The following PRKD1 variants were observed in gnomAD, a reference collection of about 807,000 sequenced individuals.
PRKD1 encodes serine/threonine-protein kinase D1.
A neutral mutation model predicts 95.9 loss-of-function variants in PRKD1; 63 were observed. That is an observed-to-expected ratio of 0.66 (90% confidence interval 0.54 to 0.81). The LOEUF is 0.81. PRKD1 is among the 30% of genes least tolerant of loss of function. PRKD1 has a pLI of 0.00. For synonymous variants in PRKD1, 425 were observed against 423.1 expected (o/e 1.00, Z -0.05); for missense variants, 1,048 against 1,165.3 (o/e 0.90, Z 1.47).
intron 1 of PRKD1, among the ~76,000 whole-genome samples, chr14:29,896,081 C>A (rs1020514928): frequency 6.6e-6 from 1 of 151,944 alleles, no homozygotes; most frequent in Non-Finnish European, 1.5e-5. Context: ...ACAATAGGAG[C>A]GCAATATATA....
At chr14:29,926,151 T>A (rs1470134673) in intron 1 of PRKD1, among the ~76,000 whole-genome samples, 1 of 152,234 alleles carries the variant, frequency 6.6e-6, no homozygotes, top group Non-Finnish European at 1.5e-5. Flanking sequence ...CTGTGCTCAG[T>A]GCTGCAATTC....
chr14:29,746,529 T>TAC (rs139747043), intron 1 of PRKD1, among the ~76,000 whole-genome samples: 3,859 of 146,456 alleles, frequency 0.026, 172 homozygotes, highest in African/African-American at 0.095. Flanking sequence ...TGTGTACATA[T>TAC]ATACACACAC....
chr14:29,727,681 G>A lies in PRKD1; in HGVS notation c.265-2007C>T, dbSNP rs1188307290. 4.0e-5 allele frequency among the ~76,000 whole-genome samples: 6 copies of A among 151,716 alleles called. No individual in the cohort carries two copies. The South Asian group carries it at 1.0e-3, about 26-fold the overall frequency. On this transcript the variant is annotated intron_variant, in intron 1 of 17. Transcript: ENST00000331968. ...TTTCCCCATTGCTTGTTTTTCTCAG[G>A]TTTGTCAAAGATCAGATAGTTGTAG...
chr14:29,840,633 G>A (rs1348514489), intron 1 of PRKD1, among the ~76,000 whole-genome samples: 1 of 152,190 alleles, frequency 6.6e-6, no homozygotes, highest in East Asian at 1.9e-4. Flanking sequence ...AAAGAAAGAT[G>A]TTTAATGGAC....
chr14:29,820,920 G>T (rs952913453), intron 1 of PRKD1, among the ~76,000 whole-genome samples: 1 of 152,216 alleles, frequency 6.6e-6, no homozygotes, highest in Non-Finnish European at 1.5e-5. Flanking sequence ...CAAACCCACT[G>T]ATTGTGTAGG....
chr14:29,727,912 A>G (rs1193004363), intron 1 of PRKD1, among the ~76,000 whole-genome samples: 2 of 151,714 alleles, frequency 1.3e-5, no homozygotes, highest in African/African-American at 4.9e-5. Context: ...TCGCAAGAAC[A>G]AAAAACCAAA....
intron 2 of PRKD1, among the ~76,000 whole-genome samples, chr14:29,691,689 C>G (rs1341217535): frequency 6.6e-6 from 1 of 152,062 alleles, no homozygotes. Context: ...TTGCAACAAC[C>G]TAATACAATA....
chr14:29,638,435 C>G (rs982872616), intron 6 of PRKD1, 54 bp downstream of exon 6: 2 of 1,590,668 alleles, frequency 1.3e-6, no homozygotes, highest in Non-Finnish European at 1.7e-6. Context: ...AATTACATCA[C>G]CACACTCTCT....
chr14:29,918,189 T>C (rs1276548088), intron 1 of PRKD1, among the ~76,000 whole-genome samples: 1 of 152,254 alleles, frequency 6.6e-6, no homozygotes, highest in African/African-American at 2.4e-5. Flanking sequence ...GCACAATGTA[T>C]ACATGTACCA....
intron 9 of PRKD1, among the ~76,000 whole-genome samples, chr14:29,632,445 G>C (rs1033401679): frequency 1.3e-5 from 2 of 152,040 alleles, no homozygotes; most frequent in Non-Finnish European, 2.9e-5. Context: ...CTAGAGGAAA[G>C]TGCTCTTTGT....
At chr14:29,813,755 G>GA (rs1298330695) in intron 1 of PRKD1, among the ~76,000 whole-genome samples, 1 of 152,182 alleles carries the variant, frequency 6.6e-6, no homozygotes, top group Non-Finnish European at 1.5e-5. Context: ...AGTGAACACT[G>GA]ACTCTGAATG....
intron 1 of PRKD1, among the ~76,000 whole-genome samples, chr14:29,797,981 G>A (rs1363430596): frequency 6.6e-6 from 1 of 152,178 alleles, no homozygotes; most frequent in Non-Finnish European, 1.5e-5. Context: ...TGTAATTACA[G>A]AACTCAATGC....
At position 29,578,289 on chromosome 14, in the gene PRKD1, G is replaced by A; in HGVS notation, c.2506C>T (p.His836Tyr). The change falls in exon 17 of 18, where the codon CAC (histidine) becomes TAC (tyrosine). Residue 836 changes from histidine to tyrosine, a missense_variant. Transcript: ENST00000331968. Reference sequence around the variant, plus strand: ...TTATTGTTTACCTGTAGCCAAGGGTGGCTCAAGGTCTTATCCACACTGTAG... The same window carrying A: ...TTATTGTTTACCTGTAGCCAAGGGTAGCTCAAGGTCTTATCCACACTGTAG... ...KRYSVDKTLS[H>Y]PWLQDYQTWL... is the part of the protein sequence containing the mutation. The A allele has an allele frequency of 6.2e-7, 1 of 1,606,408 alleles. No individual in the cohort carries two copies. The highest frequency in any genetic ancestry group is 8.5e-7 in the Non-Finnish European group (1 of 1,176,712).
intron 1 of PRKD1, among the ~76,000 whole-genome samples, chr14:29,819,466 G>A (rs996820703): frequency 3.3e-5 from 5 of 152,074 alleles, no homozygotes; most frequent in Admixed American, 1.3e-4. Context: ...CGAGGCAGGC[G>A]GATCACGAGG....
intron 1 of PRKD1, among the ~76,000 whole-genome samples, chr14:29,836,239 C>T (rs769992172): frequency 1.3e-5 from 2 of 152,202 alleles, no homozygotes; most frequent in Non-Finnish European, 2.9e-5. Flanking sequence ...AGGGGCTGAG[C>T]TCAGACTGAG....
At chr14:29,733,942 T>C (rs906405826) in intron 1 of PRKD1, among the ~76,000 whole-genome samples, 5 of 151,990 alleles carry the variant, frequency 3.3e-5, no homozygotes, top group African/African-American at 1.2e-4. Context: ...CCTTGATTTA[T>C]TTTTCCATCA....
intron 11 of PRKD1, among the ~76,000 whole-genome samples, chr14:29,628,136 A>C (rs567786620): frequency 2.0e-5 from 3 of 152,244 alleles, no homozygotes; most frequent in Non-Finnish European, 2.9e-5. Context: ...TTGACAGCAC[A>C]AGAATTTATC....
At chr14:29,578,687 C>G (rs564528201) in intron 16 of PRKD1, among the ~76,000 whole-genome samples, 1 of 151,160 alleles carries the variant, frequency 6.6e-6, no homozygotes, top group East Asian at 2.0e-4. Flanking sequence ...ATATGTACAT[C>G]ATTTAAATAT....
At chr14:29,822,667 A>G (rs1890960248) in intron 1 of PRKD1, among the ~76,000 whole-genome samples, 1 of 152,170 alleles carries the variant, frequency 6.6e-6, no homozygotes, top group African/African-American at 2.4e-5. Context: ...GGTACATAGT[A>G]TCTAGATTTT....
Sources: allele counts gnomAD v4.1 joint callset (sites outside exome capture counted in the v4.1 genomes callset), GRCh38; gene constraint gnomAD v4.1.1; transcripts MANE v1.5; gene names NCBI Gene and HGNC (gene_info 2026-07-23, HGNC 2026-07-21).